Variants in ZCCHC17 observed in about 807,000 individuals in gnomAD.
ZCCHC17 encodes zinc finger CCHC domain-containing protein 17.
ZCCHC17 carries 18 observed loss-of-function variants against 30.6 expected under a neutral mutation model. That is an observed-to-expected ratio of 0.59 (90% CI 0.41 to 0.87). ZCCHC17 has a LOEUF of 0.87. Among genes scored for constraint, ZCCHC17 ranks in the 40% least tolerant of loss-of-function variants. The pLI, the probability that ZCCHC17 is intolerant of heterozygous loss-of-function variation, is 0.00. For missense variants in ZCCHC17, 263 were observed against 284.2 expected (o/e 0.93, Z 0.54); for synonymous variants, 88 against 92.4 (o/e 0.95, Z 0.27).
chr1:31,337,182 C>G lies in ZCCHC17; in HGVS notation c.132C>G (p.Val44=), dbSNP rs761822488. ...KIPGCRKQGL[V]HRTHMSSCRV... ...TCTTCTTCTTGTGCCCAGGTCTGGT[C>G]CATCGAACTCATATGTCATCCTGTC... Residue 44 remains valine, a synonymous_variant, in exon 4 of 8, where the codon GTC becomes GTG. Coordinates refer to ENST00000344147, the MANE Select transcript of ZCCHC17 (RefSeq NM_016505.4). 6.2e-7 allele frequency: 1 copy of G among 1,613,852 alleles called. No homozygotes were observed. Among genetic ancestry groups the G allele is most frequent in the Non-Finnish European group, 8.5e-7 (1 of 1,179,910 alleles).
intron 5 of ZCCHC17, 55 bp from the exon 6 acceptor site, chr1:31,346,585 T>C (rs900288563): frequency 6.6e-7 from 1 of 1,517,678 alleles, no homozygotes; most frequent in African/African-American, 1.4e-5. Context: ...TACCTTGTAG[T>C]ATCTCTGGCC....
chr1:31,341,935 A>G (rs894583717), intron 5 of ZCCHC17, among the ~76,000 whole-genome samples: 9 of 152,072 alleles, frequency 5.9e-5, no homozygotes, highest in African/African-American at 1.9e-4. Context: ...TTTTCCTCAT[A>G]CTATGGTGTA....
chr1:31,329,614 C>T (rs1038253129), intron 3 of ZCCHC17, among the ~76,000 whole-genome samples: 3 of 152,052 alleles, frequency 2.0e-5, no homozygotes, highest in Non-Finnish European at 1.5e-5. Flanking sequence ...ATTAGAGTGG[C>T]GTGTAATAAA....
intron 7 of ZCCHC17, among the ~76,000 whole-genome samples, chr1:31,359,013 G>T (rs1387921661): frequency 6.6e-6 from 1 of 152,136 alleles, no homozygotes; most frequent in African/African-American, 2.4e-5. Context: ...TGTAAAATGT[G>T]GTAGAAATAC....
rs72660818 is a variant in ZCCHC17 at position 31,299,647 on chromosome 1, C to G, written c.-56+2572C>G. Among the ~76,000 whole-genome samples the G allele has an allele frequency of 5.5e-3, 831 of 152,326 alleles. 5 individuals are homozygous for G. The highest frequency in any genetic ancestry group is 8.9e-3 in the Non-Finnish European group (607 of 68,036). On this transcript the variant is annotated intron_variant, in intron 1 of 7. Transcript: ENST00000344147. ...TGCTGCAGTGATAGCCATAACTTTC[C>G]TGGATTGTGGCAAAGGTGGTATTAT...
intron 2 of ZCCHC17, among the ~76,000 whole-genome samples, chr1:31,314,089 T>C (rs1444443252): frequency 6.6e-6 from 1 of 152,124 alleles, no homozygotes; most frequent in East Asian, 1.9e-4. Flanking sequence ...GACTTCAAAC[T>C]CCTGACCTCA....
rs114663760 is a variant in ZCCHC17, at chr1:31,330,145, A to G, written c.125-7030A>G. 9.2e-3 allele frequency among the ~76,000 whole-genome samples: 1,406 copies of G among 152,226 alleles called. 25 individuals carry two copies. The highest frequency in any genetic ancestry group is 0.032 in the African/African-American group (1,321 of 41,522). ...TGCAGCTGTCCTCTAATGATTTGAGATTTTCACTTCTTTCCTTTATTGCCA... is the reference window on the plus strand; with the variant it reads ...TGCAGCTGTCCTCTAATGATTTGAGGTTTTCACTTCTTTCCTTTATTGCCA... On this transcript the variant is annotated intron_variant, in intron 3 of 7. Coordinates refer to ENST00000344147, the MANE Select transcript of ZCCHC17 (RefSeq NM_016505.4).
chr1:31,333,625 T>G (rs1638683956), intron 3 of ZCCHC17, among the ~76,000 whole-genome samples: 1 of 152,184 alleles, frequency 6.6e-6, no homozygotes, highest in Non-Finnish European at 1.5e-5. Context: ...CCATGGAAAT[T>G]CAGTTGTAGC....
intron 7 of ZCCHC17, among the ~76,000 whole-genome samples, chr1:31,357,302 T>C (rs551762372): frequency 2.0e-5 from 3 of 151,592 alleles, no homozygotes; most frequent in East Asian, 3.9e-4. Flanking sequence ...CCTATTCAGA[T>C]ACAGCAGAGA....
rs143231637 is a variant in ZCCHC17, at chr1:31,310,112, G to C, written c.14G>C (p.Arg5Thr). The change falls in exon 2 of 8, where the codon AGG becomes ACG. Residue 5 changes from arginine (R) to threonine (T), a missense_variant. Arg to Thr is a moderately conservative substitution (Grantham distance 71, BLOSUM62 -1). Coordinates refer to ENST00000344147, the MANE Select transcript of ZCCHC17 (RefSeq NM_016505.4). ...AGAATATTAAGGATGAATTCAGGAA[G>C]GCCTGAGACCATGGAAAACTTGCCT... MNSGRPETMENLPAL... is the reference protein window; with the variant it reads MNSGTPETMENLPAL... 1.2e-6 allele frequency: 2 copies of C among 1,613,922 alleles called. No individual in the cohort carries two copies. Among genetic ancestry groups the C allele is most frequent in the Non-Finnish European group, 1.7e-6 (2 of 1,179,980 alleles).
chr1:31,344,305 T>A (rs1352739702), intron 5 of ZCCHC17, among the ~76,000 whole-genome samples: 5 of 152,314 alleles, frequency 3.3e-5, no homozygotes, highest in Non-Finnish European at 7.4e-5. Flanking sequence ...TAGGGTAGTC[T>A]TTAGAAAAAG....
chr1:31,328,328 C>A (rs981775962), intron 3 of ZCCHC17, among the ~76,000 whole-genome samples: 28 of 151,770 alleles, frequency 1.8e-4, no homozygotes, highest in African/African-American at 6.5e-4. Context: ...GCCTGGGTAA[C>A]ATGGTGAAAC....
chr1:31,354,125 G>T (rs867276858), intron 7 of ZCCHC17, among the ~76,000 whole-genome samples: 1 of 152,032 alleles, frequency 6.6e-6, no homozygotes, highest in Non-Finnish European at 1.5e-5. Flanking sequence ...GCAACATTTT[G>T]TAATTTTCTG....
chr1:31,297,153 C>T (rs999112597), intron 1 of ZCCHC17, 78 bp downstream of exon 1: 1 of 402,678 alleles, frequency 2.5e-6, no homozygotes, highest in Admixed American at 4.3e-5. Context: ...TGAACCTGCC[C>T]TTCTCAGCTG....
intron 3 of ZCCHC17, among the ~76,000 whole-genome samples, chr1:31,326,455 G>A (rs1638348995): frequency 6.6e-6 from 1 of 152,154 alleles, no homozygotes; most frequent in Non-Finnish European, 1.5e-5. Flanking sequence ...ATGTTGTCTG[G>A]AATTTAATGA....
At chr1:31,300,890 G>A (rs6697771) in intron 1 of ZCCHC17, among the ~76,000 whole-genome samples, 81,608 of 150,518 alleles carry the variant, frequency 0.54, 22,959 homozygotes, top group Non-Finnish European at 0.62. Flanking sequence ...CTAAGATCGC[G>A]CCATTGCACT....
intron 7 of ZCCHC17, among the ~76,000 whole-genome samples, chr1:31,362,249 T>C (rs1186194693): frequency 6.6e-6 from 1 of 152,218 alleles, no homozygotes; most frequent in Non-Finnish European, 1.5e-5. Context: ...TGCTTCAGTG[T>C]TCTTTCCACC....
rs779411834 is a variant in ZCCHC17, at chr1:31,319,077, G to A, written c.67-32G>A. On this transcript the variant is annotated intron_variant, in intron 2 of 7. Coordinates refer to ENST00000344147, the MANE Select transcript of ZCCHC17 (RefSeq NM_016505.4). ...CTACAGAAGAAAGATTCTCATGTATGTGACATTGATTTTTTTCCCCCATCT... is the reference window on the plus strand; with the variant it reads ...CTACAGAAGAAAGATTCTCATGTATATGACATTGATTTTTTTCCCCCATCT... 1.9e-6 allele frequency: 3 copies of A among 1,596,648 alleles called. No homozygotes were observed. The South Asian group carries it at 3.4e-5, about 18-fold the overall frequency.
In ZCCHC17 at chr1:31,364,016, A is replaced by T; in HGVS notation, c.565-16A>T. 1.2e-6 allele frequency: 2 copies of T among 1,606,568 alleles called. No individual in the cohort carries two copies. Among genetic ancestry groups the T allele is most frequent in the South Asian group, 1.1e-5 (1 of 90,204 alleles). The stretch of plus-strand genomic sequence containing the variant: ...ATATACACATACAGTGTTGATTTTT[A>T]AAATTTTCTTTTCAGGAGAAGAAGA... On this transcript the variant is annotated splice_polypyrimidine_tract_variant and intron_variant, in intron 7 of 7. Coordinates refer to ENST00000344147, the MANE Select transcript of ZCCHC17 (RefSeq NM_016505.4).
Sources: allele counts gnomAD v4.1 joint callset (sites outside exome capture counted in the v4.1 genomes callset), GRCh38; gene constraint gnomAD v4.1.1; transcripts MANE v1.5; gene names NCBI Gene and HGNC (gene_info 2026-07-23, HGNC 2026-07-21).